The following ZNF721 variants were observed in gnomAD, a reference collection of about 807,000 sequenced individuals.
ZNF721 encodes the protein zinc finger protein 721.
ZNF721 carries 2 observed loss-of-function variants against 2.4 expected under a neutral mutation model. The observed-to-expected ratio is 0.82, with a 90% confidence interval of 0.34 to 2.58. The LOEUF is 2.58. ZNF721 is among the 30% of genes most tolerant of loss of function. ZNF721 has a pLI of 0.11. For missense variants in ZNF721, 1,187 were observed against 1,085.5 expected (o/e 1.09, Z -1.31); for synonymous variants, 398 against 381.8 (o/e 1.04, Z -0.50).
intron 2 of ZNF721, among the ~76,000 whole-genome samples, chr4:445,524 TATA>T (rs1553864044): frequency 1.3e-5 from 2 of 152,184 alleles, no homozygotes; most frequent in African/African-American, 2.4e-5. Flanking sequence ...TAGAACACAT[TATA>T]ATGATTTTAA....
chr4:491,972 G>C (rs541261162), intron 1 of ZNF721, among the ~76,000 whole-genome samples: 7 of 151,536 alleles, frequency 4.6e-5, no homozygotes, highest in Non-Finnish European at 1.0e-4. Context: ...GGCTAACACT[G>C]TGAAACCCCA....
At position 466,329 on chromosome 4, in the gene ZNF721, A is replaced by G. The variant is rs79241351; in HGVS notation, c.34+6246T>C. Among the ~76,000 whole-genome samples, 21 of 152,252 alleles carry G rather than the reference A, an allele frequency of 1.4e-4. No individual in the cohort carries two copies. In the East Asian group the frequency reaches 3.1e-3, roughly 22 times the overall value. On this transcript the variant is annotated intron_variant, in intron 2 of 2. Transcript: ENST00000511833. ...TAAGGTTAAAATGGGGGGAAATCCT[A>G]TATGTTTGCAATAATACCTTTTTGG... is the stretch of plus-strand genomic sequence containing the variant.
chr4:475,337 AT>A (rs141518298), intron 1 of ZNF721, among the ~76,000 whole-genome samples: 4 of 151,328 alleles, frequency 2.6e-5, no homozygotes, highest in Non-Finnish European at 2.9e-5. Context: ...ACTTACTAAT[AT>A]TTTTTTTTAC....
intron 2 of ZNF721, among the ~76,000 whole-genome samples, chr4:469,082 A>T (rs1325306339): frequency 2.0e-5 from 3 of 152,198 alleles, no homozygotes; most frequent in Admixed American, 6.5e-5. Context: ...CATAACCAAC[A>T]TGTAAATACT....
chr4:484,450 G>A (rs553836282), intron 1 of ZNF721, among the ~76,000 whole-genome samples: 7 of 152,286 alleles, frequency 4.6e-5, no homozygotes, highest in Admixed American at 2.6e-4. Context: ...TGAGCCGGGC[G>A]GAACACAACC....
intron 1 of ZNF721, among the ~76,000 whole-genome samples, chr4:489,942 C>T (rs1478094764): frequency 3.3e-5 from 5 of 152,102 alleles, no homozygotes; most frequent in African/African-American, 1.2e-4. Flanking sequence ...TCACTGCAAC[C>T]TCTGCCTCCA....
At chr4:486,165 CTTT>C (rs35987865) in intron 1 of ZNF721, among the ~76,000 whole-genome samples, 8 of 135,888 alleles carry the variant, frequency 5.9e-5, no homozygotes, top group East Asian at 2.3e-4. Context: ...TTTTTCTTTT[CTTT>C]TTTTTTTTTG....
intron 1 of ZNF721, among the ~76,000 whole-genome samples, chr4:496,759 T>G (rs1341775192): frequency 2.3e-5 from 3 of 132,196 alleles, no homozygotes; most frequent in Admixed American, 1.7e-4. Context: ...GTCGCCCAGG[T>G]TGGAGTGCAG....
At chr4:474,064 C>T (rs1553868189) in intron 1 of ZNF721, 2 of 1,448,968 alleles carry the variant, frequency 1.4e-6, no homozygotes, top group African/African-American at 1.4e-5. Context: ...GAGGCTGAGG[C>T]TCTGGCAAAA....
chr4:443,121 T>C lies in ZNF721; in HGVS notation c.1346A>G (p.Glu449Gly), dbSNP rs782435513. 3 of 1,613,962 alleles carry C rather than the reference T, an allele frequency of 1.9e-6. No individual in the cohort carries two copies. Among genetic ancestry groups the C allele is most frequent in the South Asian group, 2.2e-5 (2 of 91,080 alleles). Reference protein sequence around the residue: ...HTGDKPYKCKECGKAFIHSLH... With the variant: ...HTGDKPYKCKGCGKAFIHSLH... ...GGAATGTATAAAGGCTTTCCCACAT[T>C]CTTTACATTTGTAGGGTTTATCTCC... The change falls in exon 3 of 3, where the codon GAA (glutamate) becomes GGA (glycine). Residue 449 changes from glutamate to glycine, a missense_variant. Physicochemically the swap from Glu to Gly is moderately conservative, Grantham distance 98. Coordinates refer to ENST00000511833, the MANE Select transcript of ZNF721 (RefSeq NM_133474.4).
chr4:458,750 G>A (rs552475408), intron 2 of ZNF721, among the ~76,000 whole-genome samples: 3 of 152,256 alleles, frequency 2.0e-5, no homozygotes, highest in South Asian at 4.1e-4. Context: ...GGAGGCTAAG[G>A]CAGGAAAATC....
At chr4:455,059 T>C (rs971948355) in intron 2 of ZNF721, among the ~76,000 whole-genome samples, 1 of 152,172 alleles carries the variant, frequency 6.6e-6, no homozygotes, top group Non-Finnish European at 1.5e-5. Flanking sequence ...CTGTTTTGCT[T>C]CCCGGTCTGG....
chr4:464,230 G>A (rs1448886500), intron 2 of ZNF721, among the ~76,000 whole-genome samples: 1 of 152,128 alleles, frequency 6.6e-6, no homozygotes, highest in African/African-American at 2.4e-5. Context: ...CAGCACTTTG[G>A]GAGGCCAAGG....
chr4:455,543 G>A (rs1553865317), intron 2 of ZNF721, among the ~76,000 whole-genome samples: 1 of 151,842 alleles, frequency 6.6e-6, no homozygotes, highest in Non-Finnish European at 1.5e-5. Context: ...CTCTAGCCTG[G>A]CAACAGAGCA....
intron 1 of ZNF721, among the ~76,000 whole-genome samples, chr4:483,201 A>G (rs1325179498): frequency 2.6e-5 from 4 of 152,238 alleles, no homozygotes; most frequent in African/African-American, 7.2e-5. Flanking sequence ...GTTACTGTGT[A>G]TAAGTTAAAA....
chr4:442,738 T>C lies in ZNF721; in HGVS notation c.1729A>G (p.Arg577Gly), dbSNP rs782091453. 1.3e-5 allele frequency: 21 copies of C among 1,614,214 alleles called. No individual in the cohort carries two copies. Among genetic ancestry groups the C allele is most frequent in the Middle Eastern group, 3.3e-4 (2 of 6,062 alleles). The change falls in exon 3 of 3, where the codon AGA becomes GGA. Residue 577 changes from arginine (R) to glycine (G), a missense_variant. By Grantham distance (125) the Arg-to-Gly change is moderately radical. Coordinates refer to ENST00000511833, the MANE Select transcript of ZNF721 (RefSeq NM_133474.4). ...RQSANLYVHRRIHTGEKPYKC... is the reference protein window; with the variant it reads ...RQSANLYVHRGIHTGEKPYKC... ...TAAGGTTTCTCTCCAGTATGAATTC[T>C]CCTATGTACATAAAGGTTTGCGGAC...
intron 2 of ZNF721, among the ~76,000 whole-genome samples, chr4:446,738 G>T (rs1448217601): frequency 6.6e-6 from 1 of 151,266 alleles, no homozygotes; most frequent in Non-Finnish European, 1.5e-5. Flanking sequence ...TCTGTTGCCA[G>T]GCTGGAGTGC....
At chr4:451,088 TC>T (rs1349491975) in intron 2 of ZNF721, among the ~76,000 whole-genome samples, 2 of 150,512 alleles carry the variant, frequency 1.3e-5, no homozygotes, top group African/African-American at 4.9e-5. Flanking sequence ...AACACAAATG[TC>T]CCTTTAGAGA....
chr4:482,454 C>G (rs1469282954), intron 1 of ZNF721, among the ~76,000 whole-genome samples: 3 of 152,032 alleles, frequency 2.0e-5, no homozygotes, highest in African/African-American at 4.8e-5. Flanking sequence ...CATGAGCCAC[C>G]GCGCCCGGCC....
Sources: gnomAD v4.1 joint callset for allele counts (sites outside exome capture counted in the v4.1 genomes callset) on GRCh38, gnomAD v4.1.1 for gene constraint, MANE v1.5 for transcripts, NCBI Gene and HGNC (gene_info 2026-07-23, HGNC 2026-07-21) for gene names.